Variants in CNTN6 observed in about 807,000 individuals in gnomAD.
CNTN6 encodes the protein contactin-6.
Under a neutral mutation model 122.8 loss-of-function variants are expected in CNTN6, and 137 were observed. The ratio of observed to expected loss-of-function variants is 1.12; its 90% CI spans 0.97 to 1.29. CNTN6 has a LOEUF of 1.29. Ranked by LOEUF, CNTN6 falls within the 50% of genes most tolerant of loss-of-function variation. The pLI is 0.00. For missense variants in CNTN6, 1,634 were observed against 1,223.4 expected (o/e 1.34, Z -5.01); for synonymous variants, 570 against 426.0 (o/e 1.34, Z -4.16).
At chr3:1,134,128 C>T (rs1367370522) in intron 1 of CNTN6, among the ~76,000 whole-genome samples, 2 of 152,122 alleles carry the variant, frequency 1.3e-5, no homozygotes, top group African/African-American at 4.8e-5. Context: ...AGGCCCCGAT[C>T]GACCATATAA....
chr3:1,401,555 T>G lies in CNTN6; in HGVS notation c.2817+10T>G. On this transcript the variant is annotated intron_variant, in intron 21 of 22. Transcript: ENST00000446702. ...AGTTTTGGGGTACAAGGTGAGTTTT[T>G]AGTTTTTCCTTTAATCATATCAATT... 6.3e-7 allele frequency: 1 copy of G among 1,577,380 alleles called. No individual in the cohort carries two copies. Among genetic ancestry groups the G allele is most frequent in the Non-Finnish European group, 8.7e-7 (1 of 1,151,112 alleles).
At chr3:1,202,896 C>A (rs1017686001) in intron 2 of CNTN6, among the ~76,000 whole-genome samples, 11 of 152,140 alleles carry the variant, frequency 7.2e-5, no homozygotes, top group Admixed American at 5.9e-4. Flanking sequence ...CAAAATGAAG[C>A]ACGGGCTGCT....
intron 12 of CNTN6, among the ~76,000 whole-genome samples, chr3:1,364,379 G>A (rs1707910134): frequency 6.6e-6 from 1 of 151,810 alleles, no homozygotes; most frequent in African/African-American, 2.4e-5. Context: ...GTTTGTACAG[G>A]AGGAAGAGTT....
Position 1,402,365 on chromosome 3 carries a change from AAAC to A in CNTN6, c.2868_2870del (p.Asn957del). The A allele has an allele frequency of 6.2e-7, 1 of 1,612,204 alleles. No individual in the cohort carries two copies. Among genetic ancestry groups the A allele is most frequent in the Non-Finnish European group, 8.5e-7 (1 of 1,179,002 alleles). ...AGAGTAAAACTCATATTTTGGAAACAAACAATACATCAGCTGAGCTTCTGGTTC... is the reference window on the plus strand; with the variant it reads ...AGAGTAAAACTCATATTTTGGAAACAAATACATCAGCTGAGCTTCTGGTTC... On this transcript the variant is annotated inframe_deletion, in exon 22 of 23. Coordinates refer to ENST00000446702, the MANE Select transcript of CNTN6 (RefSeq NM_001289080.2).
chr3:1,137,087 A>G (rs1348276568), intron 1 of CNTN6, among the ~76,000 whole-genome samples: 1 of 152,012 alleles, frequency 6.6e-6, no homozygotes, highest in African/African-American at 2.4e-5. Flanking sequence ...CTATTTTTCT[A>G]TCTTGTCACA....
At chr3:1,131,425 TTGAC>T in intron 1 of CNTN6, among the ~76,000 whole-genome samples, 1 of 70 alleles carries the variant, frequency 0.014, no homozygotes, top group East Asian at 0.5. Flanking sequence ...GTTGCTCTCC[TTGAC>T]CTTGAGTTAA....
At chr3:1,388,355 T>A (rs1435183146) in intron 20 of CNTN6, among the ~76,000 whole-genome samples, 1 of 146,186 alleles carries the variant, frequency 6.8e-6, no homozygotes, top group Middle Eastern at 3.2e-3. Context: ...GAGGGTCCTG[T>A]CTGTTAGAAG....
chr3:1,339,496 G>A (rs1365098062), intron 11 of CNTN6, among the ~76,000 whole-genome samples: 2 of 152,254 alleles, frequency 1.3e-5, no homozygotes, highest in Admixed American at 6.5e-5. Context: ...GTGCAGTGGG[G>A]CATGTGTCAC....
chr3:1,373,725 G>T lies in CNTN6; in HGVS notation c.1908G>T (p.Arg636=). Reference sequence around the variant, plus strand: ...TTCAAATATTTACTATTCAGACTCGGACACCATTTTCTGTGGGTTGGCAGG... The same window carrying T: ...TTCAAATATTTACTATTCAGACTCGTACACCATTTTCTGTGGGTTGGCAGG... ...SPIQIFTIQT[R]TPFSVGWQAV... Residue 636 remains arginine (R), a synonymous_variant, in exon 15 of 23, where the codon CGG becomes CGT. Coordinates refer to ENST00000446702, the MANE Select transcript of CNTN6 (RefSeq NM_001289080.2). 6.2e-7 allele frequency: 1 copy of T among 1,610,826 alleles called. No individual in the cohort carries two copies. The highest frequency in any genetic ancestry group is 1.3e-5 in the African/African-American group (1 of 74,936).
At position 1,385,314 on chromosome 3, in the gene CNTN6, T is replaced by G. The variant is rs113158144; in HGVS notation, c.2518-297T>G. On this transcript the variant is annotated intron_variant, in intron 19 of 22. Coordinates refer to ENST00000446702, the MANE Select transcript of CNTN6 (RefSeq NM_001289080.2). Reference sequence around the variant, plus strand: ...GTGTTTTTGTCTGACTTGTTATACATCATTTGCTAAAGCTGGTAACCTTTA... The same window carrying G: ...GTGTTTTTGTCTGACTTGTTATACAGCATTTGCTAAAGCTGGTAACCTTTA... Among the ~76,000 whole-genome samples the G allele has an allele frequency of 7.6e-4, 116 of 152,306 alleles. 1 individual carries two copies. Among genetic ancestry groups the G allele is most frequent in the African/African-American group, 2.6e-3 (108 of 41,568 alleles).
chr3:1,129,461 G>A (rs2092276482), intron 1 of CNTN6, among the ~76,000 whole-genome samples: 1 of 152,022 alleles, frequency 6.6e-6, no homozygotes, highest in Non-Finnish European at 1.5e-5. Context: ...CTGGGGAAAG[G>A]TTTGGGATGA....
At chr3:1,199,135 G>A (rs1479707088) in intron 2 of CNTN6, among the ~76,000 whole-genome samples, 1 of 149,772 alleles carries the variant, frequency 6.7e-6, no homozygotes, top group East Asian at 2.0e-4. Flanking sequence ...GTTTCAGGCT[G>A]TAGACTTCTA....
rs761580354 is a variant in CNTN6 at position 1,383,374 on chromosome 3, G to A, written c.2483G>A (p.Trp828Ter). 1 of 1,613,910 alleles carries A rather than the reference G, an allele frequency of 6.2e-7. No homozygotes were observed. The highest frequency in any genetic ancestry group is 1.1e-5 in the South Asian group (1 of 91,074). Residue 828 changes from tryptophan (W) to a stop codon, truncating the protein, a stop_gained, in exon 19 of 23, where the codon TGG (tryptophan) becomes TAG (stop). Transcript: ENST00000446702. LOFTEE classifies it high-confidence loss of function. ...GAGGTTTCATGGAATGCTATTGCCTGGAATAGAAACACTGGAAGAGTGCTG... is the reference window on the plus strand; with the variant it reads ...GAGGTTTCATGGAATGCTATTGCCTAGAATAGAAACACTGGAAGAGTGCTG... Reference protein sequence around the residue: ...EMEVSWNAIAWNRNTGRVLGY... With the variant: ...EMEVSWNAIA
At chr3:1,124,912 AG>A (rs1299417237) in intron 1 of CNTN6, among the ~76,000 whole-genome samples, 2 of 151,896 alleles carry the variant, frequency 1.3e-5, no homozygotes, top group East Asian at 3.9e-4. Context: ...AATTTCTACA[AG>A]GTCTGGGAGG....
At chr3:1,224,692 AAC>A (rs967168373) in intron 3 of CNTN6, among the ~76,000 whole-genome samples, 58 of 151,940 alleles carry the variant, frequency 3.8e-4, no homozygotes, top group African/African-American at 1.4e-3. Context: ...CACACACACA[AAC>A]ACACACATAT....
intron 1 of CNTN6, among the ~76,000 whole-genome samples, chr3:1,114,178 G>A (rs957619762): frequency 1.3e-5 from 2 of 152,310 alleles, no homozygotes; most frequent in East Asian, 1.9e-4. Flanking sequence ...TTGGCAGAAC[G>A]GGAGGGTTGA....
At position 1,159,870 on chromosome 3, in the gene CNTN6, G is replaced by C. The variant is rs1474034589; in HGVS notation, c.55+11807G>C. ...AAGTCTTGCTCTGTCCCCCAGGCTG[G>C]AGTACAGTGGCGCGGTCTCAGCTCA... On this transcript the variant is annotated intron_variant, in intron 2 of 22. Transcript: ENST00000446702. Among the ~76,000 whole-genome samples, 3 of 151,864 alleles carry C rather than the reference G, an allele frequency of 2.0e-5. No homozygotes were observed. The East Asian group carries it at 5.8e-4, about 29-fold the overall frequency.
intron 20 of CNTN6, among the ~76,000 whole-genome samples, chr3:1,390,672 TAAAG>T (rs753154791): frequency 3.9e-4 from 59 of 151,562 alleles, no homozygotes; most frequent in Non-Finnish European, 6.0e-4. Flanking sequence ...GCAAGACTAA[TAAAG>T]AAAAAGAGAA....
intron 4 of CNTN6, among the ~76,000 whole-genome samples, chr3:1,276,283 T>C (rs569672891): frequency 5.3e-5 from 8 of 152,268 alleles, no homozygotes; most frequent in South Asian, 4.1e-4. Context: ...AGTAGGATAA[T>C]GGTGTATCAA....
Sources: gnomAD v4.1 joint callset for allele counts (sites outside exome capture counted in the v4.1 genomes callset) on GRCh38, gnomAD v4.1.1 for gene constraint, MANE v1.5 for transcripts, NCBI Gene and HGNC (gene_info 2026-07-23, HGNC 2026-07-21) for gene names.